LRIG1: variants seen among roughly 807,000 people sequenced by gnomAD.
The protein encoded by LRIG1 is leucine-rich repeats and immunoglobulin-like domains protein 1.
A neutral mutation model predicts 99.2 loss-of-function variants in LRIG1; 48 were observed. That is an observed-to-expected ratio of 0.48 (90% CI 0.38 to 0.62). The LOEUF is 0.62. LRIG1 is among the 20% of genes least tolerant of loss of function. The pLI, the probability that LRIG1 is intolerant of heterozygous loss-of-function variation, is 0.00. For missense variants in LRIG1, 1,646 were observed against 1,434.4 expected, an observed-to-expected ratio of 1.15 and a Z score of -2.38; for synonymous variants, 772 against 596.1, an observed-to-expected ratio of 1.29 and a Z score of -4.30.
At chr3:66,499,293 G>GA (rs746065854) in intron 1 of LRIG1, among the ~76,000 whole-genome samples, 3 of 152,198 alleles carry the variant, frequency 2.0e-5, no homozygotes, top group East Asian at 3.8e-4. Context: ...TGACAGCACA[G>GA]AAAAGAACCT....
intron 1 of LRIG1, among the ~76,000 whole-genome samples, chr3:66,488,377 C>T (rs570612053): frequency 2.3e-4 from 35 of 151,342 alleles, no homozygotes; most frequent in African/African-American, 8.0e-4. Flanking sequence ...AATCCTAGCA[C>T]TTTGGGACGC....
intron 3 of LRIG1, among the ~76,000 whole-genome samples, chr3:66,426,189 A>T (rs566692689): frequency 6.6e-6 from 1 of 152,218 alleles, no homozygotes; most frequent in Non-Finnish European, 1.5e-5. Flanking sequence ...CTTATTCTAC[A>T]TTGGGCCAGA....
chr3:66,391,876 T>C (rs919296353), intron 12 of LRIG1, among the ~76,000 whole-genome samples: 4 of 152,252 alleles, frequency 2.6e-5, no homozygotes, highest in South Asian at 2.1e-4. Context: ...CTCACCAATA[T>C]GGGCAACCAT....
intron 1 of LRIG1, among the ~76,000 whole-genome samples, chr3:66,479,874 T>C (rs1277653952): frequency 1.3e-5 from 2 of 152,196 alleles, no homozygotes; most frequent in Non-Finnish European, 2.9e-5. Flanking sequence ...ACACAGCTTC[T>C]CCAGGAAACA....
At chr3:66,447,515 C>G in intron 3 of LRIG1, among the ~76,000 whole-genome samples, 1 of 152,138 alleles carries the variant, frequency 6.6e-6, no homozygotes. Flanking sequence ...TAATTGTGTG[C>G]CCCTAAGTTT....
At chr3:66,426,160 T>C (rs527796808) in intron 3 of LRIG1, among the ~76,000 whole-genome samples, 91 of 152,336 alleles carry the variant, frequency 6.0e-4, no homozygotes, top group African/African-American at 2.2e-3. Context: ...ACCTATTTTC[T>C]ACACCAGGGG....
At chr3:66,459,323 C>T (rs1018266745) in intron 2 of LRIG1, among the ~76,000 whole-genome samples, 2 of 152,180 alleles carry the variant, frequency 1.3e-5, no homozygotes, top group African/African-American at 4.8e-5. Flanking sequence ...AGTTAGAACA[C>T]CACTGAAAAT....
intron 11 of LRIG1, 99 bp from the exon 12 acceptor site, chr3:66,394,302 A>G (rs370814962): frequency 6.1e-6 from 6 of 988,610 alleles, no homozygotes. Context: ...CAGCTTCTCA[A>G]GTGAACATCA....
At chr3:66,463,648 C>T (rs1700406394) in intron 1 of LRIG1, among the ~76,000 whole-genome samples, 1 of 152,160 alleles carries the variant, frequency 6.6e-6, no homozygotes. Context: ...TCTACCCAGC[C>T]CCGTGTTTGC....
intron 1 of LRIG1, among the ~76,000 whole-genome samples, chr3:66,463,134 G>A (rs906465436): frequency 1.3e-5 from 2 of 152,072 alleles, no homozygotes; most frequent in African/African-American, 4.8e-5. Context: ...TGAGAACTGC[G>A]CGGCCCTAAA....
chr3:66,417,790 GAAAA>G (rs1003976555), intron 3 of LRIG1, among the ~76,000 whole-genome samples: 1 of 129,402 alleles, frequency 7.7e-6, no homozygotes, highest in African/African-American at 2.9e-5. Flanking sequence ...TAAACAAAAA[GAAAA>G]AGAAAAAAAA....
intron 4 of LRIG1, 92 bp downstream of exon 4, chr3:66,417,019 TTGAGAAGGGAAGGAAGCA>T: frequency 7.0e-7 from 1 of 1,433,988 alleles, no homozygotes; most frequent in Non-Finnish European, 9.6e-7. Flanking sequence ...CCAGCCGTGG[TTGAGAAGGGAAGGAAGCA>T]TCCCTCCTGC....
intron 3 of LRIG1, among the ~76,000 whole-genome samples, chr3:66,440,301 C>T (rs1010587898): frequency 1.3e-5 from 2 of 152,036 alleles, no homozygotes; most frequent in African/African-American, 4.8e-5. Context: ...TTTTTAAGCT[C>T]CCTAGGTCAT....
intron 2 of LRIG1, among the ~76,000 whole-genome samples, chr3:66,453,137 C>T (rs558670815): frequency 1.1e-3 from 169 of 152,296 alleles, no homozygotes; most frequent in Middle Eastern, 3.4e-3. Flanking sequence ...TAGTACCCAT[C>T]AACGTACCTA....
chr3:66,389,433 TA>T (rs1290772611), intron 12 of LRIG1, among the ~76,000 whole-genome samples: 3 of 151,750 alleles, frequency 2.0e-5, no homozygotes, highest in Admixed American at 6.6e-5. Flanking sequence ...CCATAATGGA[TA>T]AAAAAAACTA....
intron 1 of LRIG1, among the ~76,000 whole-genome samples, chr3:66,488,675 T>C (rs746537316): frequency 1.3e-5 from 2 of 152,030 alleles, no homozygotes; most frequent in African/African-American, 4.8e-5. Context: ...TACATGTTAA[T>C]TGGCTGAGTT....
chr3:66,481,258 T>C (rs1486795853), intron 1 of LRIG1, among the ~76,000 whole-genome samples: 1 of 152,230 alleles, frequency 6.6e-6, no homozygotes, highest in Non-Finnish European at 1.5e-5. Flanking sequence ...CCTTGCGCCA[T>C]AAACTCTTTC....
chr3:66,436,571 C>G (rs577160912), intron 3 of LRIG1, among the ~76,000 whole-genome samples: 1 of 152,330 alleles, frequency 6.6e-6, no homozygotes, highest in East Asian at 1.9e-4. Flanking sequence ...GTCTCTCCCC[C>G]TCATTTGAGG....
At chr3:66,419,237 G>A (rs1405532568) in intron 3 of LRIG1, among the ~76,000 whole-genome samples, 1 of 152,258 alleles carries the variant, frequency 6.6e-6, no homozygotes, top group Admixed American at 6.5e-5. Context: ...TCTCTCCCAC[G>A]CCAGTTCTGT....
Sources: allele counts gnomAD v4.1 joint callset (sites outside exome capture counted in the v4.1 genomes callset), GRCh38; gene constraint gnomAD v4.1.1; transcripts MANE v1.5; gene names NCBI Gene and HGNC (gene_info 2026-07-23, HGNC 2026-07-21).